The following RSPH14 variants were observed in gnomAD, a reference collection of about 807,000 sequenced individuals.
The protein encoded by RSPH14 is rhabdoid tumor deletion region gene 1.
A neutral mutation model predicts 26.7 loss-of-function variants in RSPH14; 20 were observed. The ratio of observed to expected loss-of-function variants is 0.75; its 90% CI spans 0.53 to 1.09. RSPH14 has a LOEUF of 1.09. RSPH14 is among the 50% of genes least tolerant of loss of function. RSPH14 has a pLI of 0.00. For synonymous variants in RSPH14, 177 were observed against 189.3 expected, an observed-to-expected ratio of 0.93 and a Z score of 0.53; for missense variants, 449 against 457.2, an observed-to-expected ratio of 0.98 and a Z score of 0.16.
intron 4 of RSPH14, chr22:23,096,418 A>G (rs2146317915): frequency 6.3e-7 from 1 of 1,599,820 alleles, no homozygotes; most frequent in South Asian, 1.1e-5. Flanking sequence ...ATAACCAGAC[A>G]GTAAGTGGGG....
At chr22:23,091,056 C>G (rs9612230) in intron 4 of RSPH14, among the ~76,000 whole-genome samples, 37,244 of 152,148 alleles carry the variant, frequency 0.24, 4,805 homozygotes, top group East Asian at 0.36. Context: ...TCCCAGGATG[C>G]CACATGCAAC....
chr22:23,164,024 C>T, the RSPH14 span: 3 of 152,260 alleles, frequency 2.0e-5, no homozygotes, highest in Admixed American at 6.5e-5. Flanking sequence ...GTAGTTATAG[C>T]TTTGCGTACT....
intron 4 of RSPH14, among the ~76,000 whole-genome samples, chr22:23,066,599 TGCTTC>T (rs1426925946): frequency 6.6e-6 from 1 of 152,222 alleles, no homozygotes; most frequent in Non-Finnish European, 1.5e-5. Flanking sequence ...TCGTTCACTT[TGCTTC>T]TTTTCAGCTA....
At chr22:23,168,376 A>C in the RSPH14 span, among the ~76,000 whole-genome samples, 1 of 152,166 alleles carries the variant, frequency 6.6e-6, no homozygotes, top group Non-Finnish European at 1.5e-5. Flanking sequence ...CAGGACAGGG[A>C]TGAGAGAAGA....
chr22:23,171,859 A>C, the RSPH14 span, among the ~76,000 whole-genome samples: 238 of 151,676 alleles, frequency 1.6e-3, 2 homozygotes, highest in Non-Finnish European at 2.9e-3. Flanking sequence ...AAAAAACAAA[A>C]AAAAAAAAAC....
At chr22:23,146,103 A>ACCCTGCCT, upstream of RSPH14, 1 of 824,560 alleles carries the variant, frequency 1.2e-6, no homozygotes, top group Non-Finnish European at 1.5e-6. Flanking sequence ...ACTCCCAGGC[A>ACCCTGCCT]GGGTGGGGCA....
the RSPH14 span, among the ~76,000 whole-genome samples, chr22:23,171,167 C>T: frequency 6.6e-6 from 1 of 152,058 alleles, no homozygotes; most frequent in Admixed American, 6.6e-5. Flanking sequence ...AAGGTTTCAC[C>T]ATGTTGGCCA....
chr22:23,150,142 C>T, the RSPH14 span: 25 of 1,610,920 alleles, frequency 1.6e-5, no homozygotes, highest in Admixed American at 6.7e-5. Flanking sequence ...CGCAGGAACA[C>T]GGGGACTGTC....
intron 4 of RSPH14, among the ~76,000 whole-genome samples, chr22:23,115,574 G>T (rs1282610719): frequency 1.3e-5 from 2 of 152,224 alleles, no homozygotes; most frequent in East Asian, 3.9e-4. Flanking sequence ...CCCCTTCCTA[G>T]AACAGGAAGG....
Position 23,071,749 on chromosome 22 carries a change from G to C in RSPH14, c.422-7616C>G, listed in dbSNP as rs1012643359. Among the ~76,000 whole-genome samples, 5 of 152,184 alleles carry C rather than the reference G, an allele frequency of 3.3e-5. No individual in the cohort carries two copies. ...ACCTCAGAGTGGTGTCCTGGGCTGGGGGGTCAGGTGAGCTCGTGGGCAACA... is the reference window on the plus strand; with the variant it reads ...ACCTCAGAGTGGTGTCCTGGGCTGGCGGGTCAGGTGAGCTCGTGGGCAACA... On this transcript the variant is annotated intron_variant, in intron 4 of 6. Transcript: ENST00000216036. This position sits in a 1 kb window ranked among gnomAD's most constrained non-coding sequence, Gnocchi z 4.1.
At chr22:23,161,486 T>A in the RSPH14 span, 1 of 1,600,900 alleles carries the variant, frequency 6.2e-7, no homozygotes, top group Non-Finnish European at 8.6e-7. Context: ...AAATTACTTC[T>A]CCCCTCCTTA....
the RSPH14 span, among the ~76,000 whole-genome samples, chr22:23,167,386 C>T: frequency 3.3e-5 from 5 of 152,198 alleles, no homozygotes; most frequent in African/African-American, 1.2e-4. Flanking sequence ...TTGACAGAGG[C>T]TCCACAGGGA....
At chr22:23,062,030 A>G (rs2068107921) in intron 5 of RSPH14, 85 bp from the exon 6 acceptor site, 2 of 1,522,944 alleles carry the variant, frequency 1.3e-6, no homozygotes, top group South Asian at 2.3e-5. Flanking sequence ...GAGACACAAA[A>G]GAAATAATTG....
rs59195198 is a variant in RSPH14 at position 23,128,712 on chromosome 22, C to T, written c.421+5314G>A. 9.8e-3 allele frequency among the ~76,000 whole-genome samples: 1,495 copies of T among 152,290 alleles called. 31 individuals carry two copies. The highest frequency in any genetic ancestry group is 0.035 in the African/African-American group (1,437 of 41,560). ...TGACACAGGGGAAGAAACTGAGGCA[C>T]GGTGGCCAGAACAAAACAGGGGCCC... On this transcript the variant is annotated intron_variant, in intron 4 of 6. Transcript: ENST00000216036.
intron 4 of RSPH14, chr22:23,124,332 G>T: frequency 2.5e-6 from 1 of 393,706 alleles, no homozygotes; most frequent in Non-Finnish European, 5.4e-6. Flanking sequence ...TTTTTTTCAG[G>T]TGGTCTTTTT....
At chr22:23,070,437 C>T (rs930625816) in intron 4 of RSPH14, 3 of 148,096 alleles carry the variant, frequency 2.0e-5, no homozygotes, top group Non-Finnish European at 4.5e-5. Context: ...CGCCCGCGGT[C>T]CGGTCACGTC....
At chr22:23,127,978 C>A (rs145000498) in intron 4 of RSPH14, among the ~76,000 whole-genome samples, 1 of 152,082 alleles carries the variant, frequency 6.6e-6, no homozygotes, top group African/African-American at 2.4e-5. Context: ...TCTCCACCCC[C>A]GGGCTGCACA....
the RSPH14 span, chr22:23,159,343 A>G: frequency 5.5e-6 from 7 of 1,281,570 alleles, no homozygotes; most frequent in Non-Finnish European, 7.5e-6. Flanking sequence ...TTCCCTCTGT[A>G]GCCAGTCGTC....
At chr22:23,161,877 AAGAGGCCTC>A in the RSPH14 span, 2 of 370,416 alleles carry the variant, frequency 5.4e-6, no homozygotes, top group Non-Finnish European at 1.0e-5. Flanking sequence ...CTTTGGCCTC[AAGAGGCCTC>A]AGAACTGCAA....
Sources: gnomAD v4.1 joint callset for allele counts (sites outside exome capture counted in the v4.1 genomes callset) on GRCh38, gnomAD v4.1.1 for gene constraint, Gnocchi (gnomAD v3.1) non-coding constraint, MANE v1.5 for transcripts, NCBI Gene and HGNC (gene_info 2026-07-23, HGNC 2026-07-21) for gene names.